The following ARHGAP42 variants were observed in gnomAD, a reference collection of about 807,000 sequenced individuals.
The protein encoded by ARHGAP42 is rho GTPase-activating protein 42.
Under a neutral mutation model 125.0 loss-of-function variants are expected in ARHGAP42, and 63 were observed. The observed-to-expected ratio is 0.50, with a 90% CI of 0.41 to 0.62. ARHGAP42 has a LOEUF of 0.62. Among genes scored for constraint, ARHGAP42 ranks in the 20% least tolerant of loss-of-function variants. The pLI, the probability that ARHGAP42 is intolerant of heterozygous loss-of-function variation, is 0.00. For missense variants in ARHGAP42, 766 were observed against 1,024.2 expected (o/e 0.75, Z 3.44); for synonymous variants, 339 against 351.0 (o/e 0.97, Z 0.38).
chr11:100,771,808 G>A (rs1862987353), intron 2 of ARHGAP42, among the ~76,000 whole-genome samples: 1 of 151,926 alleles, frequency 6.6e-6, no homozygotes, highest in African/African-American at 2.4e-5. Context: ...TCACTATGTT[G>A]GCCAGGTGGT....
intron 3 of ARHGAP42, among the ~76,000 whole-genome samples, chr11:100,815,370 CT>C (rs1864244388): frequency 6.6e-6 from 1 of 152,254 alleles, no homozygotes; most frequent in Middle Eastern, 3.4e-3. Flanking sequence ...AAAAATCACC[CT>C]TTTTAAGGCA....
At chr11:100,794,654 G>C (rs1299352975) in intron 2 of ARHGAP42, among the ~76,000 whole-genome samples, 1 of 152,140 alleles carries the variant, frequency 6.6e-6, no homozygotes, top group Non-Finnish European at 1.5e-5. Flanking sequence ...AGAAGTCAGT[G>C]GAAAATTTTG....
Position 100,714,389 on chromosome 11 carries a change from TTGTGTGTG to T in ARHGAP42, c.154+26583_154+26590del, listed in dbSNP as rs10609660. ...TCACTTACATGTAAAACATAAAAAT[TTGTGTGTG>T]TGTGTGTGTGTGTGTGTGTGTGTGT... On this transcript the variant is annotated intron_variant, in intron 1 of 23. Transcript: ENST00000298815. Among the ~76,000 whole-genome samples the T allele has an allele frequency of 8.1e-3, 1,206 of 149,712 alleles. 14 individuals are homozygous for T. The highest frequency in any genetic ancestry group is 0.034 in the East Asian group (168 of 5,012).
chr11:100,863,831 C>G (rs887811624), intron 4 of ARHGAP42, among the ~76,000 whole-genome samples: 1 of 152,144 alleles, frequency 6.6e-6, no homozygotes, highest in African/African-American at 2.4e-5. Context: ...TGACACACTG[C>G]TGGTTTAAAT....
Position 100,751,802 on chromosome 11 carries a change from C to T in ARHGAP42, c.155-18541C>T, listed in dbSNP as rs376589802. On this transcript the variant is annotated intron_variant, in intron 1 of 23. Coordinates refer to ENST00000298815, the MANE Select transcript of ARHGAP42 (RefSeq NM_152432.4). ...TTTTTTTTTTTTTTTTTTTTTTTGA[C>T]GGAATCTCCCTTTGTCGCCCAGGCT... 7.9e-3 allele frequency among the ~76,000 whole-genome samples: 463 copies of T among 58,406 alleles called. 4 individuals are homozygous for T. The highest frequency in any genetic ancestry group is 0.028 in the African/African-American group (432 of 15,646). The allele number at this position is 58,406 out of a possible 152,430, so 38.3% of individuals were successfully genotyped here. A position where few individuals can be genotyped will look rare whatever the true frequency, so the allele number is the denominator to read the frequency against.
At chr11:100,959,604 G>A (rs1301751430) in intron 12 of ARHGAP42, among the ~76,000 whole-genome samples, 2 of 152,062 alleles carry the variant, frequency 1.3e-5, no homozygotes, top group Non-Finnish European at 1.5e-5. Flanking sequence ...AAGAAAACAC[G>A]TAGTAAAGGA....
intron 1 of ARHGAP42, among the ~76,000 whole-genome samples, chr11:100,714,873 C>G (rs1861628401): frequency 6.6e-6 from 1 of 151,720 alleles, no homozygotes; most frequent in Non-Finnish European, 1.5e-5. Context: ...TGGCGAAACC[C>G]TCTCTCTACA....
At chr11:100,960,708 T>G (rs1857932309) in intron 13 of ARHGAP42, among the ~76,000 whole-genome samples, 1 of 152,186 alleles carries the variant, frequency 6.6e-6, no homozygotes, top group Non-Finnish European at 1.5e-5. Flanking sequence ...ACTTTGAAGA[T>G]CTTCAAAGAC....
At chr11:100,903,890 G>T (rs1045531709) in intron 4 of ARHGAP42, among the ~76,000 whole-genome samples, 11 of 151,678 alleles carry the variant, frequency 7.3e-5, no homozygotes, top group Non-Finnish European at 1.2e-4. Context: ...ATGTTCGAGG[G>T]CAGGAAGCAT....
intron 2 of ARHGAP42, among the ~76,000 whole-genome samples, chr11:100,779,385 C>T (rs1381528444): frequency 3.5e-5 from 5 of 141,094 alleles, no homozygotes; most frequent in Admixed American, 7.4e-5. Context: ...GCAGACTTTG[C>T]GGTGAGCCAA....
Position 100,977,081 on chromosome 11 carries a change from T to C in ARHGAP42, c.2393+110T>C, listed in dbSNP as rs1029453756. The C allele has an allele frequency of 2.3e-5, 29 of 1,279,900 alleles. No individual in the cohort carries two copies. In the South Asian group the frequency reaches 2.6e-4, roughly 12 times the overall value. The allele number at this position is 1,279,900 out of a possible 1,614,324, so 79.3% of individuals were successfully genotyped here. A position where few individuals can be genotyped will look rare whatever the true frequency, so the allele number is the denominator to read the frequency against. ...CAAGTTGAATACATTGGGAATACTT[T>C]ATCTGTAGAGTGGGTACAGTCCACT... On this transcript the variant is annotated intron_variant, in intron 21 of 23. Coordinates refer to ENST00000298815, the MANE Select transcript of ARHGAP42 (RefSeq NM_152432.4).
intron 10 of ARHGAP42, among the ~76,000 whole-genome samples, chr11:100,947,221 T>C (rs182076391): frequency 2.6e-5 from 4 of 152,120 alleles, no homozygotes; most frequent in Non-Finnish European, 4.4e-5. Context: ...GATTCTTCTT[T>C]ATGAGTTGAA....
intron 4 of ARHGAP42, among the ~76,000 whole-genome samples, chr11:100,879,987 G>C (rs1281229055): frequency 3.9e-5 from 6 of 152,122 alleles, no homozygotes; most frequent in Admixed American, 3.9e-4. Flanking sequence ...TTATAATTTT[G>C]CTATTCATAT....
intron 4 of ARHGAP42, among the ~76,000 whole-genome samples, chr11:100,887,511 T>TGA (rs2135186373): frequency 6.6e-6 from 1 of 152,344 alleles, no homozygotes. Context: ...GTAATTTCTC[T>TGA]GAGTCTTTCT....
chr11:100,809,756 A>G (rs1219044351), intron 3 of ARHGAP42, among the ~76,000 whole-genome samples: 1 of 152,148 alleles, frequency 6.6e-6, no homozygotes, highest in Non-Finnish European at 1.5e-5. Context: ...GAAGTTTGAG[A>G]CCAGCCTGAG....
At chr11:100,763,193 C>T (rs1441603694) in intron 1 of ARHGAP42, among the ~76,000 whole-genome samples, 2 of 151,830 alleles carry the variant, frequency 1.3e-5, no homozygotes, top group Non-Finnish European at 2.9e-5. Context: ...GTTGGTCAGG[C>T]TGGTCTTGAA....
rs954176064 is a variant in ARHGAP42 at position 100,989,474 on chromosome 11, C to T, written c.*673C>T. The T allele has an allele frequency of 3.9e-5, 8 of 206,280 alleles. No homozygotes were observed. Among genetic ancestry groups the T allele is most frequent in the African/African-American group, 1.4e-4 (6 of 43,832 alleles). The allele number at this position is 206,280 out of a possible 1,614,324, so 12.8% of individuals were successfully genotyped here. On this transcript the variant is annotated 3_prime_UTR_variant, in exon 24 of 24. Transcript: ENST00000298815. ...TCCAGACACCTTCAGCAAACTTTTTCTGTAAAGGCCTGATAGCAAATATTT... is the reference window on the plus strand; with the variant it reads ...TCCAGACACCTTCAGCAAACTTTTTTTGTAAAGGCCTGATAGCAAATATTT...
At chr11:100,874,507 G>A (rs887119131) in intron 4 of ARHGAP42, among the ~76,000 whole-genome samples, 4 of 152,164 alleles carry the variant, frequency 2.6e-5, no homozygotes, top group African/African-American at 9.7e-5. Flanking sequence ...CCTCGGGCCT[G>A]TGTCAGATCG....
chr11:100,945,002 C>A (rs114757471), intron 10 of ARHGAP42, among the ~76,000 whole-genome samples: 6 of 152,004 alleles, frequency 3.9e-5, no homozygotes, highest in African/African-American at 1.4e-4. Flanking sequence ...CTCAGTAGGG[C>A]GTCTTTCAAA....
Sources: allele counts gnomAD v4.1 joint callset (sites outside exome capture counted in the v4.1 genomes callset), GRCh38; gene constraint gnomAD v4.1.1; transcripts MANE v1.5; gene names NCBI Gene and HGNC (gene_info 2026-07-23, HGNC 2026-07-21).